The following SRP14 variants were observed in gnomAD, a reference collection of about 807,000 sequenced individuals.
The protein encoded by SRP14 is signal recognition particle 14, also known as signal recognition particle 14 kDa protein.
SRP14 carries 1 observed loss-of-function variant against 16.0 expected under a neutral mutation model. That is an observed-to-expected ratio of 0.06 (90% CI 0.02 to 0.30). The LOEUF is 0.30. Ranked by LOEUF, SRP14 falls within the 10% of genes least tolerant of loss-of-function variation. The pLI is 1.00. For synonymous variants in SRP14, 67 were observed against 60.1 expected, an observed-to-expected ratio of 1.12 and a Z score of -0.53; for missense variants, 120 against 163.1, an observed-to-expected ratio of 0.74 and a Z score of 1.44.
chr15:40,036,390 G>A lies in SRP14; in HGVS notation c.354C>T (p.Ala118=), dbSNP rs368676201. Residue 118 remains alanine (A), a synonymous_variant, in exon 5 of 5, where the codon GCC becomes GCT. Coordinates refer to ENST00000267884, the MANE Select transcript of SRP14 (RefSeq NM_003134.6). ...AAAAAAAAAP[A]AAATAPTTAA... The stretch of plus-strand genomic sequence containing the variant: ...CTGTTGTTGGTGCTGTTGCTGCTGC[G>A]GCAGGTGCTGCTGCTGCTGCTGCTG... 143 of 1,610,864 alleles carry A rather than the reference G, an allele frequency of 8.9e-5. No individual in the cohort carries two copies. Among genetic ancestry groups the A allele is most frequent in the Non-Finnish European group, 1.2e-4 (139 of 1,179,474 alleles).
rs142105845 is a variant in SRP14 at position 40,038,425 on chromosome 15, G to C, written c.98-31C>G. 3.3e-6 allele frequency: 5 copies of C among 1,494,308 alleles called. No homozygotes were observed. The African/African-American group carries it at 6.9e-5, about 21-fold the overall frequency. 92.6% of individuals were successfully genotyped at this position (1,494,308 alleles called of 1,614,324 possible). A position where few individuals can be genotyped will look rare whatever the true frequency, so the allele number is the denominator to read the frequency against. ...GGAAAAAATGCATCCTGGTGAACAC[G>C]GCCGCGTACGTGGCTGAGCGGCAGA... On this transcript the variant is annotated intron_variant, in intron 2 of 4. Coordinates refer to ENST00000267884, the MANE Select transcript of SRP14 (RefSeq NM_003134.6).
rs2035682627 is a variant in SRP14 at position 40,039,174 on chromosome 15, T to A, written c.-58A>T. 5.7e-6 allele frequency: 9 copies of A among 1,582,556 alleles called. No individual in the cohort carries two copies. Among genetic ancestry groups the A allele is most frequent in the South Asian group, 2.3e-5 (2 of 87,382 alleles). On this transcript the variant is annotated 5_prime_UTR_variant, in exon 1 of 5. Transcript: ENST00000267884. ...AGCCCCTAGCAGTGAGAGCCGGAAG[T>A]TCGGCCTAGGCTGGGCGGGACTTCC...
At chr15:40,038,417 G>A in intron 2 of SRP14, 23 bp from the exon 3 acceptor site, 1 of 1,539,568 alleles carries the variant, frequency 6.5e-7, no homozygotes, top group Non-Finnish European at 9.0e-7. Flanking sequence ...ATGCATCCTG[G>A]TGAACACGGC....
At chr15:40,038,542 C>A (rs1390721312) in intron 2 of SRP14, 148 bp from the exon 3 acceptor site, 2 of 632,158 alleles carry the variant, frequency 3.2e-6, no homozygotes, top group Non-Finnish European at 5.6e-6. Context: ...CTATCACGGT[C>A]TGGCGAAACC....
intron 3 of SRP14, chr15:40,037,279 G>GGGAA: frequency 1.3e-6 from 1 of 740,790 alleles, no homozygotes; most frequent in East Asian, 9.3e-5. Context: ...TCCTTTTGGG[G>GGGAA]AAAAAAAAAA....
chr15:40,036,534 A>G (rs763915080), intron 4 of SRP14, 34 bp from the exon 5 acceptor site: 4 of 1,599,410 alleles, frequency 2.5e-6, no homozygotes, highest in Non-Finnish European at 3.4e-6. Context: ...CTTAGTGGGA[A>G]GATGTGCAAA....
At position 40,036,495 on chromosome 15, in the gene SRP14, A is replaced by G. The variant is rs2035625557; in HGVS notation, c.249T>C (p.Tyr83=). The change falls in exon 5 of 5, where the codon TAT becomes TAC. Residue 83 remains tyrosine, a synonymous_variant. Coordinates refer to ENST00000267884, the MANE Select transcript of SRP14 (RefSeq NM_003134.6). ...SKEVNKFQMA[Y]SNLLRANMDG... ...CCATGTTAGCTCTAAGGAGGTTTGA[A>G]TAAGCCTGAAAGATACAACAGAGCA... 2.5e-6 allele frequency: 4 copies of G among 1,614,020 alleles called. No individual in the cohort carries two copies. Among genetic ancestry groups the G allele is most frequent in the Non-Finnish European group, 3.4e-6 (4 of 1,179,926 alleles).
chr15:40,038,230 G>T, intron 3 of SRP14, 52 bp downstream of exon 3: 1 of 1,435,592 alleles, frequency 7.0e-7, no homozygotes, highest in Non-Finnish European at 9.8e-7. Flanking sequence ...CCCATCCTCT[G>T]TTAAGTTCAA....
intron 3 of SRP14, among the ~76,000 whole-genome samples, chr15:40,037,668 G>C (rs544395703): frequency 3.0e-5 from 1 of 32,826 alleles, no homozygotes; most frequent in Admixed American, 2.4e-4. Flanking sequence ...AACCACATAA[G>C]CTTGTTTTAC....
intron 3 of SRP14, 128 bp from the exon 4 acceptor site, chr15:40,037,146 C>T: frequency 7.8e-7 from 1 of 1,281,366 alleles, no homozygotes; most frequent in Non-Finnish European, 1.1e-6. Flanking sequence ...TCCCCAACTT[C>T]AGGGTTCATA....
At chr15:40,038,068 C>T (rs1261926201) in intron 3 of SRP14, among the ~76,000 whole-genome samples, 1 of 152,172 alleles carries the variant, frequency 6.6e-6, no homozygotes, top group Non-Finnish European at 1.5e-5. Flanking sequence ...TTCATTTCCA[C>T]AAGAGCTTTA....
At chr15:40,036,928 C>T (rs958506519) in intron 4 of SRP14, 58 bp downstream of exon 4, 3 of 1,583,698 alleles carry the variant, frequency 1.9e-6, no homozygotes, top group African/African-American at 2.7e-5. Context: ...ACCCAGTGTT[C>T]ACTATCATAC....
intron 3 of SRP14, chr15:40,037,394 A>T: frequency 1.7e-6 from 2 of 1,201,472 alleles, no homozygotes; most frequent in Non-Finnish European, 2.1e-6. Flanking sequence ...TTAATTTTTT[A>T]TACATTAATA....
intron 4 of SRP14, 120 bp from the exon 5 acceptor site, chr15:40,036,620 A>G: frequency 4.1e-6 from 4 of 965,532 alleles, no homozygotes; most frequent in Non-Finnish European, 4.7e-6. Flanking sequence ...GCACCATTGG[A>G]CACTTGTACC....
chr15:40,038,766 C>T lies in SRP14; in HGVS notation c.97+110G>A, dbSNP rs896078136. 5 of 1,190,670 alleles carry T rather than the reference C, an allele frequency of 4.2e-6. No homozygotes were observed. The African/African-American group carries it at 7.5e-5, about 18-fold the overall frequency. The allele number at this position is 1,190,670 out of a possible 1,614,324, so 73.8% of individuals were successfully genotyped here. On this transcript the variant is annotated intron_variant, in intron 2 of 4. Coordinates refer to ENST00000267884, the MANE Select transcript of SRP14 (RefSeq NM_003134.6). ...CCCGAAGCCCCGAATGTGCTCAGTA[C>T]AGGGTGGGGAAAGGTAGAGGAAGGC...
At chr15:40,038,472 TG>T in intron 2 of SRP14, 78 bp from the exon 3 acceptor site, 4 of 1,000,736 alleles carry the variant, frequency 4.0e-6, no homozygotes, top group South Asian at 3.9e-5. Flanking sequence ...AACAGAGGAG[TG>T]GGGTAAGTGA....
chr15:40,038,505 C>T (rs2140957418), intron 2 of SRP14, 111 bp from the exon 3 acceptor site: 1 of 735,032 alleles, frequency 1.4e-6, no homozygotes, highest in South Asian at 1.5e-5. Flanking sequence ...AGCCCCGCTG[C>T]TCTAGTTTTG....
chr15:40,037,679 T>G, intron 3 of SRP14, among the ~76,000 whole-genome samples: 1 of 23,808 alleles, frequency 4.2e-5, no homozygotes, highest in African/African-American at 9.4e-5. Flanking sequence ...CTTGTTTTAC[T>G]GTAGAAGTCC....
At chr15:40,036,754 CTATAG>C in intron 4 of SRP14, 1 of 634,158 alleles carries the variant, frequency 1.6e-6, no homozygotes, top group Non-Finnish European at 2.7e-6. Context: ...TCTTGTTCAA[CTATAG>C]TATAGGTAGC....
Sources: gnomAD v4.1 joint callset for allele counts (sites outside exome capture counted in the v4.1 genomes callset) on GRCh38, gnomAD v4.1.1 for gene constraint, MANE v1.5 for transcripts, NCBI Gene and HGNC (gene_info 2026-07-23, HGNC 2026-07-21) for gene names.